Variants in RNASET2 observed in about 807,000 individuals in gnomAD.
RNASET2 encodes ribonuclease 6.
A neutral mutation model predicts 33.9 loss-of-function variants in RNASET2; 28 were observed. The observed-to-expected ratio is 0.83, with a 90% confidence interval of 0.61 to 1.13. RNASET2 has a LOEUF of 1.13. RNASET2 is among the 50% of genes most tolerant of loss of function. The pLI, the probability that RNASET2 is intolerant of heterozygous loss-of-function variation, is 0.00. For synonymous variants in RNASET2, 123 were observed against 121.0 expected (o/e 1.02, Z -0.11); for missense variants, 330 against 319.9 (o/e 1.03, Z -0.24).
chr6:166,933,853 C>T lies in RNASET2; in HGVS notation c.492+238G>A, dbSNP rs1778503275. Reference sequence around the variant, plus strand: ...CTGCCGGACCCTGGAGCACACACTTCTCACAAAGGGAGCCATGAAATCTGT... The same window carrying T: ...CTGCCGGACCCTGGAGCACACACTTTTCACAAAGGGAGCCATGAAATCTGT... On this transcript the variant is annotated intron_variant, in intron 7 of 8. Transcript: ENST00000508775. This position sits in a 1 kb window ranked among gnomAD's most constrained non-coding sequence, Gnocchi z 4.1. The T allele has an allele frequency of 1.7e-6, 1 of 582,684 alleles. No homozygotes were observed. Among genetic ancestry groups the T allele is most frequent in the Non-Finnish European group, 3.1e-6 (1 of 327,312 alleles). The allele number at this position is 582,684 out of a possible 1,614,324, so 36.1% of individuals were successfully genotyped here. A position where few individuals can be genotyped will look rare whatever the true frequency, so the allele number is the denominator to read the frequency against.
rs1351608407 is a variant in RNASET2 at position 166,926,654 on chromosome 6, T to C, written c.*2934A>G. Among the ~76,000 whole-genome samples the C allele has an allele frequency of 6.6e-6, 1 of 152,162 alleles. No individual in the cohort carries two copies. Among genetic ancestry groups the C allele is most frequent in the Non-Finnish European group, 1.5e-5 (1 of 68,026 alleles). On this transcript the variant is annotated 3_prime_UTR_variant, in exon 9 of 9. Transcript: ENST00000508775. ...CTACTAGCTTGGAGAGAGGGATTGC[T>C]TTCCAGGTGACAAAGCATTGTCCCC...
intron 6 of RNASET2, 93 bp downstream of exon 6, chr6:166,938,802 G>T: frequency 1.2e-6 from 1 of 863,436 alleles, no homozygotes; most frequent in Non-Finnish European, 2.0e-6. Context: ...AGGGCAGTGA[G>T]GTCTACACCC....
chr6:166,945,880 T>C (rs1261197692), intron 4 of RNASET2, among the ~76,000 whole-genome samples: 1 of 149,928 alleles, frequency 6.7e-6, no homozygotes, highest in Non-Finnish European at 1.5e-5. Context: ...TTGTGATGGA[T>C]TTGCAACTAA....
intron 8 of RNASET2, among the ~76,000 whole-genome samples, chr6:166,930,134 T>A (rs1417725154): frequency 6.6e-6 from 1 of 152,228 alleles, no homozygotes; most frequent in Non-Finnish European, 1.5e-5. Context: ...GCACTCAACA[T>A]ATCTATCAAG....
chr6:166,934,243 G>T, intron 6 of RNASET2, 107 bp from the exon 7 acceptor site: 1 of 789,158 alleles, frequency 1.3e-6, no homozygotes, highest in East Asian at 2.6e-5. Context: ...ACTCTTAAAG[G>T]AAAGTGTTTT....
intron 3 of RNASET2, 146 bp from the exon 4 acceptor site, chr6:166,946,885 T>C (rs1213559256): frequency 1.4e-6 from 1 of 703,670 alleles, no homozygotes; most frequent in South Asian, 1.5e-5. Context: ...CCAGGCAGGA[T>C]GCTTAAGAAA....
Position 166,934,148 on chromosome 6 carries a change from A to C in RNASET2, c.447-12T>G, listed in dbSNP as rs1778511448. ...ATTTTAGAAGCACACTAAAATTTAA[A>C]TTTAAAAAAGTTAGCTGTATAATGA... On this transcript the variant is annotated splice_polypyrimidine_tract_variant and intron_variant, in intron 6 of 8. Coordinates refer to ENST00000508775, the MANE Select transcript of RNASET2 (RefSeq NM_003730.6). 1 of 1,570,680 alleles carries C rather than the reference A, an allele frequency of 6.4e-7. No individual in the cohort carries two copies. Among genetic ancestry groups the C allele is most frequent in the Non-Finnish European group, 8.8e-7 (1 of 1,141,410 alleles).
Position 166,927,313 on chromosome 6 carries a change from T to C in RNASET2, c.*2275A>G, listed in dbSNP as rs1229775380. ...CCTGCTCCTGAGCTCTAGGCCAAAA[T>C]AGGAATATTAAGAGAGCCAAGCATT... On this transcript the variant is annotated 3_prime_UTR_variant, in exon 9 of 9. Transcript: ENST00000508775. Among the ~76,000 whole-genome samples, 1 of 151,896 alleles carries C rather than the reference T, an allele frequency of 6.6e-6. No homozygotes were observed. Among genetic ancestry groups the C allele is most frequent in the Non-Finnish European group, 1.5e-5 (1 of 67,988 alleles).
intron 1 of RNASET2, 198 bp from the exon 2 acceptor site, chr6:166,952,746 T>C: frequency 1.7e-6 from 1 of 587,486 alleles, no homozygotes; most frequent in Non-Finnish European, 3.1e-6. Context: ...TGTGGTGGCG[T>C]CCAGTGCTGA....
chr6:166,943,418 T>C (rs1778741263), intron 4 of RNASET2: 1 of 355,826 alleles, frequency 2.8e-6, no homozygotes, highest in African/African-American at 2.1e-5. Flanking sequence ...ACTGCAAACA[T>C]ACATTGCTAA....
In RNASET2 at chr6:166,929,298, C is replaced by G; in HGVS notation, c.*290G>C. Among the ~76,000 whole-genome samples the G allele has an allele frequency of 6.6e-6, 1 of 152,118 alleles. No homozygotes were observed. Among genetic ancestry groups the G allele is most frequent in the East Asian group, 1.9e-4 (1 of 5,190 alleles). ...TGAATCGGTGCCATCTGTCTAAATT[C>G]CAAGTATGCCTGCCTGATCTACCAG... is the stretch of plus-strand genomic sequence containing the variant. On this transcript the variant is annotated 3_prime_UTR_variant, in exon 9 of 9. Coordinates refer to ENST00000508775, the MANE Select transcript of RNASET2 (RefSeq NM_003730.6).
At chr6:166,942,847 C>G (rs1778723975) in intron 5 of RNASET2, among the ~76,000 whole-genome samples, 172 bp downstream of exon 5, 2 of 152,112 alleles carry the variant, frequency 1.3e-5, no homozygotes, top group Admixed American at 6.5e-5. Flanking sequence ...AGAAAGGCAC[C>G]AAAAATGCCG....
chr6:166,943,280 T>A, intron 4 of RNASET2, 191 bp from the exon 5 acceptor site: 1 of 515,450 alleles, frequency 1.9e-6, no homozygotes, highest in Non-Finnish European at 3.5e-6. Flanking sequence ...GCAATTTGAG[T>A]AATCATAAAA....
chr6:166,926,860 C>T lies in RNASET2; in HGVS notation c.*2728G>A, dbSNP rs538681887. Among the ~76,000 whole-genome samples the T allele has an allele frequency of 1.3e-5, 2 of 152,358 alleles. No individual in the cohort carries two copies. The highest frequency in any genetic ancestry group is 4.1e-4 in the South Asian group (2 of 4,828). On this transcript the variant is annotated 3_prime_UTR_variant, in exon 9 of 9. Transcript: ENST00000508775. ...ACGGGTCCTCTTTTCCATGGTGCCG[C>T]AGAGATGCTCCAGGCAGACGCCTGC... is the stretch of plus-strand genomic sequence containing the variant.
Position 166,929,113 on chromosome 6 carries a change from T to G in RNASET2, c.*475A>C, listed in dbSNP as rs1178101582. On this transcript the variant is annotated 3_prime_UTR_variant, in exon 9 of 9. Coordinates refer to ENST00000508775, the MANE Select transcript of RNASET2 (RefSeq NM_003730.6). ...GCTAAGGAACGATGTCCTGGGGCTC[T>G]GGTCACATGGAACAGACCCAGTCTG... is the stretch of plus-strand genomic sequence containing the variant. Among the ~76,000 whole-genome samples, 9 of 152,240 alleles carry G rather than the reference T, an allele frequency of 5.9e-5. No individual in the cohort carries two copies.
At chr6:166,929,882 A>G (rs1271373886) in intron 8 of RNASET2, 91 bp from the exon 9 acceptor site, 1 of 1,296,144 alleles carries the variant, frequency 7.7e-7, no homozygotes, top group Non-Finnish European at 1.1e-6. Context: ...CTTTTAGAAG[A>G]TAACAAAAGC....
At position 166,924,619 on chromosome 6, in the gene RNASET2, T is replaced by C. The variant is rs1432566139; in HGVS notation, c.*4969A>G. 6.6e-6 allele frequency among the ~76,000 whole-genome samples: 1 copy of C among 152,154 alleles called. No individual in the cohort carries two copies. The highest frequency in any genetic ancestry group is 1.5e-5 in the Non-Finnish European group (1 of 68,036). ...AGGAAGCCTTCCCTGGCCGCCTTCA[T>C]AACTCTGACCTCCTCCCTCCCTCCA... On this transcript the variant is annotated 3_prime_UTR_variant, in exon 9 of 9. Transcript: ENST00000508775.
rs1779167412 is a variant in RNASET2 at position 166,956,379 on chromosome 6, G to A, written c.-197C>T. On this transcript the variant is annotated 5_prime_UTR_variant, in exon 1 of 9. Coordinates refer to ENST00000508775, the MANE Select transcript of RNASET2 (RefSeq NM_003730.6). ...ACCAGTATCTCGCGGGCCCCGCGCC[G>A]GGCTCCGGGAATGGCCGCAGCAGCC... 1.7e-6 allele frequency: 1 copy of A among 600,660 alleles called. No individual in the cohort carries two copies. The highest frequency in any genetic ancestry group is 2.9e-5 in the East Asian group (1 of 34,722). The allele number at this position is 600,660 out of a possible 1,614,324, so 37.2% of individuals were successfully genotyped here.
chr6:166,951,171 C>CGG (rs998050297), intron 2 of RNASET2, among the ~76,000 whole-genome samples: 1 of 151,942 alleles, frequency 6.6e-6, no homozygotes, highest in African/African-American at 2.4e-5. Flanking sequence ...GCAGCGGAGG[C>CGG]GGAGAGAGAG....
Sources: allele counts gnomAD v4.1 joint callset (sites outside exome capture counted in the v4.1 genomes callset), GRCh38; gene constraint gnomAD v4.1.1; non-coding constraint Gnocchi (gnomAD v3.1); transcripts MANE v1.5; gene names NCBI Gene and HGNC (gene_info 2026-07-23, HGNC 2026-07-21).